MACROD2: variants seen among roughly 807,000 people sequenced by gnomAD.
MACROD2 encodes mono-ADP ribosylhydrolase 2.
A neutral mutation model predicts 70.4 loss-of-function variants in MACROD2; 36 were observed. The observed-to-expected ratio is 0.51, with a 90% confidence interval of 0.39 to 0.68. The LOEUF (loss-of-function observed/expected upper bound fraction) is 0.68. Among genes scored for constraint, MACROD2 ranks in the 30% least tolerant of loss-of-function variants. The pLI is 0.00. For synonymous variants in MACROD2, 172 were observed against 178.8 expected (o/e 0.96, Z 0.30); for missense variants, 496 against 538.4 (o/e 0.92, Z 0.78).
intron 8 of MACROD2, among the ~76,000 whole-genome samples, chr20:15,698,896 T>C (rs1271141335): frequency 6.6e-6 from 1 of 152,218 alleles, no homozygotes; most frequent in Non-Finnish European, 1.5e-5. Context: ...CATTTTGCAT[T>C]TCTAAAAGTG....
chr20:14,988,654 GT>G (rs2074872077), intron 5 of MACROD2, among the ~76,000 whole-genome samples: 2 of 152,098 alleles, frequency 1.3e-5, no homozygotes, highest in Non-Finnish European at 2.9e-5. Flanking sequence ...TATCTGAGAG[GT>G]TACTCATCAG....
intron 8 of MACROD2, among the ~76,000 whole-genome samples, chr20:15,575,142 A>G (rs1407496029): frequency 6.6e-6 from 1 of 152,160 alleles, no homozygotes; most frequent in Non-Finnish European, 1.5e-5. Context: ...TGATCAGAGC[A>G]TTTCGTTTTA....
chr20:14,504,685 A>C (rs2084950168), intron 4 of MACROD2, among the ~76,000 whole-genome samples: 2 of 152,214 alleles, frequency 1.3e-5, no homozygotes, highest in African/African-American at 4.8e-5. Context: ...AGGAATTTCT[A>C]GGCTTGTCTC....
intron 6 of MACROD2, among the ~76,000 whole-genome samples, chr20:15,369,239 G>T (rs2045456962): frequency 2.0e-5 from 3 of 152,164 alleles, no homozygotes; most frequent in Non-Finnish European, 4.4e-5. Flanking sequence ...ATGAGAATAT[G>T]CAAATAATAA....
chr20:14,417,537 C>G (rs1361656412), intron 3 of MACROD2, among the ~76,000 whole-genome samples: 1 of 152,088 alleles, frequency 6.6e-6, no homozygotes, highest in African/African-American at 2.4e-5. Flanking sequence ...TTTACTTTTT[C>G]ATTGGTTACT....
chr20:14,248,021 A>G (rs1407065208), intron 3 of MACROD2, among the ~76,000 whole-genome samples: 1 of 152,192 alleles, frequency 6.6e-6, no homozygotes, highest in Non-Finnish European at 1.5e-5. Flanking sequence ...TGCTATAGGT[A>G]TCTGGTGATG....
chr20:14,573,680 T>A (rs577059913), intron 4 of MACROD2, among the ~76,000 whole-genome samples: 1 of 152,288 alleles, frequency 6.6e-6, no homozygotes, highest in South Asian at 2.1e-4. Flanking sequence ...CTTAGTGCTA[T>A]ACTGCCATCT....
chr20:14,624,051 A>G (rs1193972664), intron 4 of MACROD2, among the ~76,000 whole-genome samples: 1 of 152,168 alleles, frequency 6.6e-6, no homozygotes, highest in Non-Finnish European at 1.5e-5. Context: ...CATCTGCTGA[A>G]TCTCACATGG....
chr20:14,985,964 A>G (rs956923955), intron 5 of MACROD2, among the ~76,000 whole-genome samples: 10 of 151,936 alleles, frequency 6.6e-5, no homozygotes, highest in African/African-American at 2.2e-4. Context: ...AAAAACTCAG[A>G]GGTTGTAGTG....
chr20:14,983,633 C>T (rs1392984209), intron 5 of MACROD2, among the ~76,000 whole-genome samples: 2 of 152,126 alleles, frequency 1.3e-5, no homozygotes, highest in South Asian at 4.1e-4. Flanking sequence ...ATGTGCCTTT[C>T]ACCTTCCACC....
At chr20:14,992,544 T>C (rs1312416318) in intron 5 of MACROD2, among the ~76,000 whole-genome samples, 2 of 152,184 alleles carry the variant, frequency 1.3e-5, no homozygotes, top group African/African-American at 4.8e-5. Flanking sequence ...TGTTGCCATA[T>C]ATAATTAATC....
chr20:15,218,206 C>T (rs926491141), intron 5 of MACROD2, among the ~76,000 whole-genome samples: 2 of 152,132 alleles, frequency 1.3e-5, no homozygotes, highest in Non-Finnish European at 2.9e-5. Context: ...TAACTCACAC[C>T]CCAATTCTAT....
At chr20:14,921,195 C>A (rs1046181681) in intron 5 of MACROD2, among the ~76,000 whole-genome samples, 4 of 152,110 alleles carry the variant, frequency 2.6e-5, no homozygotes, top group Non-Finnish European at 5.9e-5. Flanking sequence ...ATGGGCAATG[C>A]AGTTATTTCC....
intron 5 of MACROD2, among the ~76,000 whole-genome samples, chr20:15,036,598 G>T (rs2075315139): frequency 1.3e-5 from 2 of 152,078 alleles, no homozygotes; most frequent in Non-Finnish European, 2.9e-5. Flanking sequence ...GTACTTTAGG[G>T]TTTCCAAACC....
At chr20:14,327,161 T>C (rs898728711) in intron 3 of MACROD2, 29 of 1,613,646 alleles carry the variant, frequency 1.8e-5, no homozygotes, top group Non-Finnish European at 2.4e-5. Flanking sequence ...ATAGTCCTTA[T>C]GTTATTTTCT....
chr20:15,434,427 C>A (rs4814374), intron 7 of MACROD2, among the ~76,000 whole-genome samples: 49,790 of 151,816 alleles, frequency 0.33, 8,643 homozygotes, highest in African/African-American at 0.44. Context: ...AATGCTCAAC[C>A]TCACTAATTA....
intron 10 of MACROD2, among the ~76,000 whole-genome samples, chr20:15,902,921 G>A (rs1263542874): frequency 6.6e-6 from 1 of 152,114 alleles, no homozygotes. Flanking sequence ...GAGTGTGGGA[G>A]TGAGCCTGTG....
At chr20:14,111,119 G>A (rs1355083747) in intron 3 of MACROD2, among the ~76,000 whole-genome samples, 1 of 151,866 alleles carries the variant, frequency 6.6e-6, no homozygotes, top group Admixed American at 6.6e-5. Context: ...CATACATTGG[G>A]GAAAAGACAA....
intron 8 of MACROD2, among the ~76,000 whole-genome samples, chr20:15,723,016 C>A (rs1035799629): frequency 6.6e-6 from 1 of 152,152 alleles, no homozygotes; most frequent in African/African-American, 2.4e-5. Flanking sequence ...TATTTACCTG[C>A]AAACGCTCTG....
Sources: allele counts gnomAD v4.1 joint callset (sites outside exome capture counted in the v4.1 genomes callset), GRCh38; gene constraint gnomAD v4.1.1; transcripts MANE v1.5; gene names NCBI Gene and HGNC (gene_info 2026-07-23, HGNC 2026-07-21).